The following RIMBP2 variants were observed in gnomAD, a reference collection of about 807,000 sequenced individuals.
The protein encoded by RIMBP2 is RIMS binding protein 2.
RIMBP2 carries 48 observed loss-of-function variants against 118.6 expected under a neutral mutation model. The ratio of observed to expected loss-of-function variants is 0.40; its 90% CI spans 0.32 to 0.51. The LOEUF is 0.51. Among genes scored for constraint, RIMBP2 ranks in the 20% least tolerant of loss-of-function variants. RIMBP2 has a pLI of 0.41. For synonymous variants in RIMBP2, 762 were observed against 742.9 expected (o/e 1.03, Z -0.42); for missense variants, 1,551 against 1,768.3 (o/e 0.88, Z 2.20).
intron 4 of RIMBP2, among the ~76,000 whole-genome samples, chr12:130,500,097 A>C (rs950270846): frequency 6.6e-6 from 1 of 152,226 alleles, no homozygotes; most frequent in Non-Finnish European, 1.5e-5. Flanking sequence ...ATATCTGGAC[A>C]TACTCTTCTG....
chr12:130,516,916 T>C (rs1289420445), intron 3 of RIMBP2, among the ~76,000 whole-genome samples: 1 of 152,170 alleles, frequency 6.6e-6, no homozygotes, highest in Non-Finnish European at 1.5e-5. Context: ...GAAATGGCTT[T>C]GGCATCTGGG....
rs1173300906 is a variant in RIMBP2 at position 130,424,170 on chromosome 12, G to A, written c.3101C>T (p.Pro1034Leu). 6.5e-6 allele frequency: 8 copies of A among 1,232,028 alleles called. No homozygotes were observed. The highest frequency in any genetic ancestry group is 8.1e-6 in the Non-Finnish European group (8 of 988,004). 76.3% of individuals were successfully genotyped at this position (1,232,028 alleles called of 1,614,324 possible). A position where few individuals can be genotyped will look rare whatever the true frequency, so the allele number is the denominator to read the frequency against. ...DSRAAAPHAK[P>L]PPRVAQGPLI... ...GGGGCCTTGTGCGACTCTGGGAGGT[G>A]GCTTTGCGTGGGGGGCAGCTGCCCT... Residue 1034 changes from proline to leucine, a missense_variant, in exon 16 of 23, where the codon CCA (proline) becomes CTA (leucine). Coordinates refer to ENST00000690449, the MANE Select transcript of RIMBP2 (RefSeq NM_001393629.1). The surrounding 1 kb of genome is among the most constrained non-coding windows in gnomAD (Gnocchi z 9.8).
In RIMBP2 at chr12:130,688,420, C is replaced by T. The variant is rs947342645; in HGVS notation, c.-352+27802G>A. On this transcript the variant is annotated intron_variant, in intron 1 of 22. Coordinates refer to ENST00000690449, the MANE Select transcript of RIMBP2 (RefSeq NM_001393629.1). The surrounding 1 kb of genome is among the most constrained non-coding windows in gnomAD (Gnocchi z 4.7). ...GGCCATTGGATAACACATACGTTTG[C>T]TTAGGTATCAGATCTAATGAAAGAG... Among the ~76,000 whole-genome samples the T allele has an allele frequency of 5.9e-5, 9 of 152,170 alleles. No homozygotes were observed. Among genetic ancestry groups the T allele is most frequent in the Non-Finnish European group, 4.4e-5 (3 of 68,044 alleles).
chr12:130,659,285 A>T (rs1272114294), intron 1 of RIMBP2, among the ~76,000 whole-genome samples: 1 of 152,242 alleles, frequency 6.6e-6, no homozygotes, highest in Non-Finnish European at 1.5e-5. Context: ...AAAATTATTA[A>T]TGTCGGCCGG....
intron 2 of RIMBP2, among the ~76,000 whole-genome samples, chr12:130,599,168 A>G (rs1181214128): frequency 1.3e-5 from 2 of 152,248 alleles, no homozygotes; most frequent in African/African-American, 4.8e-5. Context: ...ATACGCAAAA[A>G]TTAACGCAAA....
intron 1 of RIMBP2, among the ~76,000 whole-genome samples, chr12:130,641,112 C>T (rs921154571): frequency 1.3e-5 from 2 of 152,168 alleles, no homozygotes; most frequent in African/African-American, 4.8e-5. Flanking sequence ...CCTTGGAATG[C>T]CAGCACAGTG....
intron 1 of RIMBP2, among the ~76,000 whole-genome samples, chr12:130,650,634 G>C (rs2063190064): frequency 6.6e-6 from 1 of 152,210 alleles, no homozygotes; most frequent in South Asian, 2.1e-4. Context: ...TCTGAAAATT[G>C]TGCTTTCAAA....
rs2061441262 is a variant in RIMBP2 at position 130,623,481 on chromosome 12, G to A, written c.-217+4841C>T. 6.6e-6 allele frequency among the ~76,000 whole-genome samples: 1 copy of A among 151,834 alleles called. No homozygotes were observed. Among genetic ancestry groups the A allele is most frequent in the African/African-American group, 2.4e-5 (1 of 41,324 alleles). ...TAATGTACACAGGTAGCATGGACAA[G>A]TATGTTCCCTGCTGTAGTACTGATA... On this transcript the variant is annotated intron_variant, in intron 2 of 22. Coordinates refer to ENST00000690449, the MANE Select transcript of RIMBP2 (RefSeq NM_001393629.1). This position sits in a 1 kb window ranked among gnomAD's most constrained non-coding sequence, Gnocchi z 4.1.
At chr12:130,664,453 A>ACACGTG (rs2063826369) in intron 1 of RIMBP2, among the ~76,000 whole-genome samples, 1 of 65,610 alleles carries the variant, frequency 1.5e-5, no homozygotes. Context: ...ACACGCACAC[A>ACACGTG]CATGCACGCA....
At chr12:130,418,231 AAATGTCAGT>A (rs1174518576) in intron 17 of RIMBP2, among the ~76,000 whole-genome samples, 2 of 152,224 alleles carry the variant, frequency 1.3e-5, no homozygotes, top group Non-Finnish European at 2.9e-5. Flanking sequence ...GCCTAATCTA[AAATGTCAGT>A]AATTTCTGCC....
intron 1 of RIMBP2, among the ~76,000 whole-genome samples, chr12:130,632,604 A>G (rs775888473): frequency 6.6e-6 from 1 of 151,952 alleles, no homozygotes; most frequent in Non-Finnish European, 1.5e-5. Context: ...GGCTCGGCCT[A>G]CTCCATCGTT....
chr12:130,532,644 G>A (rs2053569415), intron 2 of RIMBP2, among the ~76,000 whole-genome samples: 2 of 138,328 alleles, frequency 1.4e-5, no homozygotes, highest in Admixed American at 1.5e-4. Context: ...TACGTCTAAT[G>A]AGATGCATGT....
At chr12:130,444,753 C>G (rs760718818) in intron 10 of RIMBP2, among the ~76,000 whole-genome samples, 14 of 152,188 alleles carry the variant, frequency 9.2e-5, no homozygotes, top group Non-Finnish European at 1.9e-4. Context: ...GCCACCTTCC[C>G]GTGAGGTCAC....
At chr12:130,460,709 GA>G (rs1449555302) in intron 6 of RIMBP2, among the ~76,000 whole-genome samples, 1 of 152,154 alleles carries the variant, frequency 6.6e-6, no homozygotes, top group Non-Finnish European at 1.5e-5. Flanking sequence ...CAACAGCAGG[GA>G]TATTGGTGTT....
intron 2 of RIMBP2, among the ~76,000 whole-genome samples, chr12:130,549,799 A>T (rs764968471): frequency 6.6e-6 from 1 of 152,218 alleles, no homozygotes; most frequent in Non-Finnish European, 1.5e-5. Flanking sequence ...TGCTACTGTG[A>T]ATAGTGCTGC....
intron 2 of RIMBP2, among the ~76,000 whole-genome samples, chr12:130,536,563 A>G (rs997581914): frequency 6.6e-6 from 1 of 152,194 alleles, no homozygotes; most frequent in Admixed American, 6.5e-5. Context: ...CTGGGCACTT[A>G]CAGATTGGCC....
intron 2 of RIMBP2, among the ~76,000 whole-genome samples, chr12:130,530,270 G>A (rs1416521668): frequency 6.6e-6 from 1 of 152,046 alleles, no homozygotes; most frequent in African/African-American, 2.4e-5. Flanking sequence ...CTTCCCTAGG[G>A]ATTTGCAAGG....
intron 2 of RIMBP2, among the ~76,000 whole-genome samples, chr12:130,537,070 A>G (rs1474886347): frequency 3.3e-5 from 5 of 152,196 alleles, no homozygotes; most frequent in African/African-American, 1.2e-4. Flanking sequence ...AAATCTTAGT[A>G]AGAAAACTCT....
chr12:130,570,861 G>C (rs2057581141), intron 2 of RIMBP2, among the ~76,000 whole-genome samples: 1 of 152,088 alleles, frequency 6.6e-6, no homozygotes, highest in Non-Finnish European at 1.5e-5. Flanking sequence ...AATTAGAGTG[G>C]GCAGGTGCTT....
Sources: gnomAD v4.1 joint callset for allele counts (sites outside exome capture counted in the v4.1 genomes callset) on GRCh38, gnomAD v4.1.1 for gene constraint, Gnocchi (gnomAD v3.1) non-coding constraint, MANE v1.5 for transcripts, NCBI Gene and HGNC (gene_info 2026-07-23, HGNC 2026-07-21) for gene names.